Variants in ADGRB3 observed in about 807,000 individuals in gnomAD.
The protein encoded by ADGRB3 is brain-specific angiogenesis inhibitor 3.
ADGRB3 carries 37 observed loss-of-function variants against 193.4 expected under a neutral mutation model. That is an observed-to-expected ratio of 0.19 (90% CI 0.15 to 0.25). The LOEUF is 0.25. ADGRB3 is among the 10% of genes least tolerant of loss of function. The probability of loss-of-function intolerance (pLI) is 1.00; values close to 1 mark genes in which losing one functional copy is unlikely to be tolerated. For synonymous variants in ADGRB3, 690 were observed against 644.2 expected, an observed-to-expected ratio of 1.07 and a Z score of -1.08; for missense variants, 1,637 against 1,852.9, an observed-to-expected ratio of 0.88 and a Z score of 2.14.
At chr6:69,057,136 T>G (rs955224894) in intron 15 of ADGRB3, among the ~76,000 whole-genome samples, 1 of 152,102 alleles carries the variant, frequency 6.6e-6, no homozygotes, top group African/African-American at 2.4e-5. Context: ...TTACTCATAT[T>G]TTATTTATTT....
intron 17 of ADGRB3, among the ~76,000 whole-genome samples, chr6:69,123,619 G>T (rs1307538028): frequency 1.3e-5 from 2 of 152,156 alleles, no homozygotes; most frequent in Non-Finnish European, 2.9e-5. Flanking sequence ...CAATAATGGG[G>T]TGATAAGAAT....
intron 3 of ADGRB3, among the ~76,000 whole-genome samples, chr6:68,662,109 GAGGTTTTGGC>G (rs1284522828): frequency 6.6e-6 from 1 of 151,442 alleles, no homozygotes; most frequent in African/African-American, 2.4e-5. Flanking sequence ...TGATGAGTGT[GAGGTTTTGGC>G]AGATAATTAA....
At chr6:69,000,015 T>G (rs568358601) in intron 11 of ADGRB3, among the ~76,000 whole-genome samples, 1 of 152,304 alleles carries the variant, frequency 6.6e-6, no homozygotes, top group Non-Finnish European at 1.5e-5. Flanking sequence ...AAATAATTCA[T>G]TCTGAATCTT....
At chr6:68,764,232 A>G (rs1766466655) in intron 3 of ADGRB3, among the ~76,000 whole-genome samples, 1 of 152,238 alleles carries the variant, frequency 6.6e-6, no homozygotes, top group Admixed American at 6.5e-5. Flanking sequence ...ACAAGTACAG[A>G]CAGGAAATGC....
At chr6:69,140,543 A>G (rs768181364) in intron 17 of ADGRB3, among the ~76,000 whole-genome samples, 32 of 152,296 alleles carry the variant, frequency 2.1e-4, no homozygotes, top group Non-Finnish European at 4.0e-4. Flanking sequence ...GTTAATGGGT[A>G]TAAAAATATA....
intron 15 of ADGRB3, among the ~76,000 whole-genome samples, chr6:69,049,949 T>C (rs1771344389): frequency 6.6e-6 from 1 of 152,224 alleles, no homozygotes; most frequent in African/African-American, 2.4e-5. Flanking sequence ...TTTACTGTCT[T>C]ATCTACTATA....
chr6:68,835,459 A>G (rs888848114), intron 3 of ADGRB3, among the ~76,000 whole-genome samples: 11 of 152,134 alleles, frequency 7.2e-5, no homozygotes, highest in South Asian at 2.1e-4. Context: ...CAATTATCCT[A>G]GAAAAAAATT....
intron 8 of ADGRB3, among the ~76,000 whole-genome samples, chr6:68,972,860 A>G (rs1431938818): frequency 1.3e-5 from 2 of 152,136 alleles, no homozygotes; most frequent in East Asian, 3.9e-4. Flanking sequence ...TAAGATGCTG[A>G]AGAAAGTATT....
Position 69,020,976 on chromosome 6 carries a change from T to C in ADGRB3, c.2107+2477T>C, listed in dbSNP as rs528269387. On this transcript the variant is annotated intron_variant, in intron 13 of 31. Coordinates refer to ENST00000370598, the MANE Select transcript of ADGRB3 (RefSeq NM_001704.3). ...AATGTTTTGTCTGATATTTCCAATG[T>C]TTTTGAGCATGGACATAAATAGAGA... Among the ~76,000 whole-genome samples the C allele has an allele frequency of 1.7e-4, 26 of 152,122 alleles. No homozygotes were observed. In the South Asian group the frequency reaches 4.8e-3, roughly 28 times the overall value.
At position 68,795,864 on chromosome 6, in the gene ADGRB3, T is replaced by G. The variant is rs1293957030; in HGVS notation, c.758-134695T>G. On this transcript the variant is annotated intron_variant, in intron 3 of 31. Coordinates refer to ENST00000370598, the MANE Select transcript of ADGRB3 (RefSeq NM_001704.3). ...CAGCATTTGTTTCATTTTAAAAAGT[T>G]TTTTAAAATCTGTCTATGAGCTTGA... Among the ~76,000 whole-genome samples, 3 of 152,134 alleles carry G rather than the reference T, an allele frequency of 2.0e-5. 1 individual carries two copies. Among genetic ancestry groups the G allele is most frequent in the African/African-American group, 7.2e-5 (3 of 41,444 alleles).
chr6:68,781,964 CT>C (rs747415241), intron 3 of ADGRB3, among the ~76,000 whole-genome samples: 55 of 151,758 alleles, frequency 3.6e-4, no homozygotes, highest in African/African-American at 8.0e-4. Context: ...CAGGTATACT[CT>C]TTTTTTTATT....
At chr6:69,191,914 G>T (rs1037339850) in intron 17 of ADGRB3, among the ~76,000 whole-genome samples, 1 of 152,186 alleles carries the variant, frequency 6.6e-6, no homozygotes, top group African/African-American at 2.4e-5. Flanking sequence ...TTAAGTGACT[G>T]TTTATGTAAT....
At chr6:68,850,465 T>C (rs1391759929) in intron 3 of ADGRB3, among the ~76,000 whole-genome samples, 1 of 152,026 alleles carries the variant, frequency 6.6e-6, no homozygotes, top group Non-Finnish European at 1.5e-5. Flanking sequence ...GCTACCCTCA[T>C]GTTTTCTCTC....
chr6:68,842,457 A>G (rs551027325), intron 3 of ADGRB3, among the ~76,000 whole-genome samples: 21 of 152,114 alleles, frequency 1.4e-4, no homozygotes, highest in African/African-American at 5.1e-4. Flanking sequence ...CATGCAGCCT[A>G]TCAAAATTGA....
At chr6:69,316,731 C>T (rs1474243584) in intron 20 of ADGRB3, among the ~76,000 whole-genome samples, 2 of 151,442 alleles carry the variant, frequency 1.3e-5, no homozygotes, top group African/African-American at 4.8e-5. Context: ...AGATGCTAGA[C>T]GGCAAGAAGA....
chr6:69,158,435 C>CAAAAAAAAAAAAA (rs371530711), intron 17 of ADGRB3, among the ~76,000 whole-genome samples: 1 of 146,328 alleles, frequency 6.8e-6, no homozygotes, highest in Non-Finnish European at 1.5e-5. Context: ...AAAGTTCAGC[C>CAAAAAAAAAAAAA]AAAAAAAAAA....
intron 20 of ADGRB3, among the ~76,000 whole-genome samples, chr6:69,256,693 A>G (rs890638559): frequency 5.9e-5 from 9 of 152,084 alleles, no homozygotes; most frequent in Admixed American, 4.6e-4. Context: ...AATACCCTTT[A>G]TTTCCTTCTC....
intron 3 of ADGRB3, among the ~76,000 whole-genome samples, chr6:68,885,624 C>T (rs1765886018): frequency 6.6e-6 from 1 of 152,092 alleles, no homozygotes; most frequent in Non-Finnish European, 1.5e-5. Context: ...GTGTTGAACT[C>T]ATGGAAGTAG....
At chr6:68,921,782 T>C (rs1767049882) in intron 3 of ADGRB3, among the ~76,000 whole-genome samples, 2 of 151,646 alleles carry the variant, frequency 1.3e-5, no homozygotes. Context: ...TTCTGAGGTA[T>C]AGAGAGACTA....
Sources: allele counts gnomAD v4.1 joint callset (sites outside exome capture counted in the v4.1 genomes callset), GRCh38; gene constraint gnomAD v4.1.1; transcripts MANE v1.5; gene names NCBI Gene and HGNC (gene_info 2026-07-23, HGNC 2026-07-21).